The following CDCA7L variants were observed in gnomAD, a reference collection of about 807,000 sequenced individuals.
CDCA7L encodes the protein cell division cycle associated 7 like.
In CDCA7L, 44 loss-of-function variants were observed where a neutral mutation model predicts 57.4. The ratio of observed to expected loss-of-function variants is 0.77; its 90% CI spans 0.60 to 0.98. The LOEUF (loss-of-function observed/expected upper bound fraction) is 0.98. CDCA7L is among the 50% of genes least tolerant of loss of function. The probability of loss-of-function intolerance (pLI) is 0.00; values close to 1 mark genes in which losing one functional copy is unlikely to be tolerated. For missense variants in CDCA7L, 644 were observed against 580.6 expected (o/e 1.11, Z -1.12); for synonymous variants, 236 against 202.8 (o/e 1.16, Z -1.39).
In CDCA7L at chr7:21,906,411, G is replaced by A. The variant is rs768599738; in HGVS notation, c.799C>T (p.Arg267Trp). 8.1e-6 allele frequency: 13 copies of A among 1,612,724 alleles called. 1 individual carries two copies. The highest frequency in any genetic ancestry group is 5.5e-5 in the South Asian group (5 of 91,008). The part of the protein sequence containing the change: ...RRAFSEGQIT[R>W]RMNPTRSARP... Reference sequence around the variant, plus strand: ...GCACTCCGGGTTGGGTTCATACGCCGCGTGATCTGTCCCTCCGAGAAGGCC... The same window carrying A: ...GCACTCCGGGTTGGGTTCATACGCCACGTGATCTGTCCCTCCGAGAAGGCC... The change falls in exon 6 of 10, where the codon CGG (arginine) becomes TGG (tryptophan). Residue 267 changes from arginine (R) to tryptophan (W), a missense_variant. Transcript: ENST00000406877.
chr7:21,923,993 T>G (rs1280296784), intron 1 of CDCA7L, among the ~76,000 whole-genome samples: 1 of 152,208 alleles, frequency 6.6e-6, no homozygotes, highest in Non-Finnish European at 1.5e-5. Flanking sequence ...TATAAAAAGA[T>G]CATCAAACTG....
intron 1 of CDCA7L, chr7:21,944,843 A>C (rs1786466015): frequency 6.6e-6 from 1 of 151,504 alleles, no homozygotes; most frequent in Admixed American, 6.6e-5. Context: ...AGGTGGAAGC[A>C]GTGAGTCTCG....
chr7:21,911,605 T>G lies in CDCA7L; in HGVS notation c.303+12A>C, dbSNP rs776736557. The G allele has an allele frequency of 6.2e-7, 1 of 1,606,530 alleles. No homozygotes were observed. Among genetic ancestry groups the G allele is most frequent in the South Asian group, 1.1e-5 (1 of 89,266 alleles). ...CGTTACCACCCACATCCCTTCCTGT[T>G]GTAATTATTACCATTACTTCTGGGT... On this transcript the variant is annotated intron_variant, in intron 3 of 9. Transcript: ENST00000406877.
intron 1 of CDCA7L, among the ~76,000 whole-genome samples, chr7:21,925,830 T>C (rs1785807695): frequency 6.6e-6 from 1 of 152,146 alleles, no homozygotes; most frequent in Non-Finnish European, 1.5e-5. Flanking sequence ...AAGGCTGCTA[T>C]TAGCTATGAT....
chr7:21,902,454 C>A (rs1050985802), intron 9 of CDCA7L, 102 bp from the exon 10 acceptor site: 2 of 1,115,284 alleles, frequency 1.8e-6, no homozygotes, highest in African/African-American at 3.1e-5. Context: ...AAAGCCAGAA[C>A]CCAGATCTCC....
chr7:21,919,066 C>T (rs1313840712), intron 1 of CDCA7L, among the ~76,000 whole-genome samples: 1 of 152,092 alleles, frequency 6.6e-6, no homozygotes, highest in East Asian at 1.9e-4. Flanking sequence ...GATCCTCTCA[C>T]CTCAGCCTCC....
rs377564041 is a variant in CDCA7L at position 21,906,679 on chromosome 7, G to T, written c.682-40C>A. 79 of 1,602,926 alleles carry T rather than the reference G, an allele frequency of 4.9e-5. No individual in the cohort carries two copies. In the African/African-American group the frequency reaches 8.0e-4, roughly 16 times the overall value. ...AAAAGAAAGAATCTTACAAAAATAG[G>T]GCTCCAGGTTTAGGTCATCCAACAC... is the stretch of plus-strand genomic sequence containing the variant. On this transcript the variant is annotated intron_variant, in intron 4 of 9. Coordinates refer to ENST00000406877, the MANE Select transcript of CDCA7L (RefSeq NM_018719.5).
At chr7:21,938,996 G>A (rs1371707583) in intron 1 of CDCA7L, among the ~76,000 whole-genome samples, 2 of 152,114 alleles carry the variant, frequency 1.3e-5, no homozygotes, top group Non-Finnish European at 2.9e-5. Flanking sequence ...GCAACAGAGT[G>A]AGACCCTGTC....
At position 21,916,742 on chromosome 7, in the gene CDCA7L, A is replaced by T; in HGVS notation, c.165+12T>A. 2 of 1,613,310 alleles carry T rather than the reference A, an allele frequency of 1.2e-6. No individual in the cohort carries two copies. The stretch of plus-strand genomic sequence containing the variant: ...CAGATGAACACATCTGCTTGGAAGG[A>T]ATCATCCATACCTGTTTCCCTGACT... On this transcript the variant is annotated intron_variant, in intron 2 of 9. Transcript: ENST00000406877.
chr7:21,937,319 T>TA (rs1435462888), intron 1 of CDCA7L, among the ~76,000 whole-genome samples: 4 of 152,066 alleles, frequency 2.6e-5, no homozygotes, highest in African/African-American at 7.2e-5. Context: ...CAAAGGACCC[T>TA]AAATAGCCAA....
chr7:21,902,115 C>CATACATCTATATAG lies in CDCA7L; in HGVS notation c.*193_*206dup, dbSNP rs1784909160. 4 of 604,428 alleles carry CATACATCTATATAG rather than the reference C, an allele frequency of 6.6e-6. No individual in the cohort carries two copies. In the South Asian group the frequency reaches 8.3e-5, roughly 13 times the overall value. The allele number at this position is 604,428 out of a possible 1,614,324, so 37.4% of individuals were successfully genotyped here. On this transcript the variant is annotated 3_prime_UTR_variant, in exon 10 of 10. Transcript: ENST00000406877. The stretch of plus-strand genomic sequence containing the variant: ...AGTTCAGCATACAGACAGGTCTGTG[C>CATACATCTATATAG]ATACATCTATATAGATTCCTCTGCT...
Position 21,902,231 on chromosome 7 carries a change from A to G in CDCA7L, c.*91T>C. On this transcript the variant is annotated 3_prime_UTR_variant, in exon 10 of 10. Transcript: ENST00000406877. ...ACAAAGAATTTCTGTATAAAAACACAACTGTAAAAAAATCTTTCTTAGGCA... is the reference window on the plus strand; with the variant it reads ...ACAAAGAATTTCTGTATAAAAACACGACTGTAAAAAAATCTTTCTTAGGCA... The G allele has an allele frequency of 9.1e-7, 1 of 1,093,572 alleles. No individual in the cohort carries two copies. The highest frequency in any genetic ancestry group is 1.3e-6 in the Non-Finnish European group (1 of 745,024). 67.7% of individuals were successfully genotyped at this position (1,093,572 alleles called of 1,614,324 possible). A position where few individuals can be genotyped will look rare whatever the true frequency, so the allele number is the denominator to read the frequency against.
At chr7:21,938,004 T>C (rs1786225554) in intron 1 of CDCA7L, among the ~76,000 whole-genome samples, 1 of 152,164 alleles carries the variant, frequency 6.6e-6, no homozygotes, top group Admixed American at 6.5e-5. Flanking sequence ...AAAAGTTTCA[T>C]GACACTGAAT....
chr7:21,911,548 A>C, intron 3 of CDCA7L, 69 bp downstream of exon 3: 1 of 1,518,258 alleles, frequency 6.6e-7, no homozygotes, highest in African/African-American at 1.4e-5. Context: ...GACTGCTTAC[A>C]AGTAAAACTC....
intron 1 of CDCA7L, among the ~76,000 whole-genome samples, chr7:21,920,159 A>G (rs1562629210): frequency 6.6e-6 from 1 of 152,208 alleles, no homozygotes; most frequent in Non-Finnish European, 1.5e-5. Context: ...CTTTTGCACA[A>G]TCAGTGCAAA....
intron 8 of CDCA7L, chr7:21,903,896 TA>T: frequency 2.4e-6 from 1 of 417,218 alleles, no homozygotes. Context: ...ATGGAAAATC[TA>T]ACAACATTAA....
intron 8 of CDCA7L, 181 bp downstream of exon 8, chr7:21,903,929 T>C: frequency 2.0e-6 from 1 of 509,798 alleles, no homozygotes; most frequent in South Asian, 5.0e-5. Context: ...ACTGGTCAGC[T>C]TGCTCTCCTT....
chr7:21,918,648 T>C (rs1480142061), intron 1 of CDCA7L, among the ~76,000 whole-genome samples: 1 of 152,192 alleles, frequency 6.6e-6, no homozygotes, highest in African/African-American at 2.4e-5. Context: ...GTTTACAATT[T>C]GGGAGTTGAA....
At chr7:21,902,416 GAGAGATTCCACAATC>G (rs1784942032) in intron 9 of CDCA7L, 64 bp from the exon 10 acceptor site, 3 of 1,466,400 alleles carry the variant, frequency 2.0e-6, no homozygotes, top group Non-Finnish European at 2.9e-6. Context: ...TTCTAGGCTT[GAGAGATTCCACAATC>G]ATCTAAGAGT....
Sources: gnomAD v4.1 joint callset for allele counts (sites outside exome capture counted in the v4.1 genomes callset) on GRCh38, gnomAD v4.1.1 for gene constraint, MANE v1.5 for transcripts, NCBI Gene and HGNC (gene_info 2026-07-23, HGNC 2026-07-21) for gene names.